Variants in CPSF3 observed in about 807,000 individuals in gnomAD.
CPSF3 encodes the protein cleavage and polyadenylation specificity factor subunit 3.
In CPSF3, 57 loss-of-function variants were observed where a neutral mutation model predicts 84.1. That is an observed-to-expected ratio of 0.68 (90% CI 0.55 to 0.85). The LOEUF is 0.85. Among genes scored for constraint, CPSF3 ranks in the 40% least tolerant of loss-of-function variants. The probability of loss-of-function intolerance (pLI) is 0.00; values close to 1 mark genes in which losing one functional copy is unlikely to be tolerated. For synonymous variants in CPSF3, 275 were observed against 278.1 expected, an observed-to-expected ratio of 0.99 and a Z score of 0.11; for missense variants, 522 against 838.8, an observed-to-expected ratio of 0.62 and a Z score of 4.66.
intron 7 of CPSF3, among the ~76,000 whole-genome samples, chr2:9,438,349 G>A (rs1209980011): frequency 2.0e-5 from 3 of 152,176 alleles, no homozygotes; most frequent in African/African-American, 7.2e-5. Flanking sequence ...ATGAAGAACA[G>A]AGAAGTTAGG....
At chr2:9,424,266 G>C in intron 1 of CPSF3, 1 of 987,926 alleles carries the variant, frequency 1.0e-6, no homozygotes, top group African/African-American at 1.7e-5. Flanking sequence ...TTAACACCAG[G>C]GCTTCACATG....
intron 1 of CPSF3, among the ~76,000 whole-genome samples, chr2:9,426,782 C>T (rs1034991177): frequency 6.6e-6 from 1 of 151,084 alleles, no homozygotes; most frequent in Non-Finnish European, 1.5e-5. Context: ...GGACTGACAC[C>T]TATAGTTCCA....
In CPSF3 at chr2:9,444,029, A is replaced by G. The variant is rs531892266; in HGVS notation, c.1242+368A>G. Among the ~76,000 whole-genome samples the G allele has an allele frequency of 3.3e-5, 5 of 151,906 alleles. No homozygotes were observed. The East Asian group carries it at 5.8e-4, about 18-fold the overall frequency. ...AAGTTACTTAACCTCTCTGTACCTC[A>G]TTTGTAAATAGGAATAATAGCTCAT... is the stretch of plus-strand genomic sequence containing the variant. On this transcript the variant is annotated intron_variant, in intron 10 of 17. Transcript: ENST00000238112.
chr2:9,436,630 G>A (rs1033087896), intron 7 of CPSF3, among the ~76,000 whole-genome samples: 3 of 151,916 alleles, frequency 2.0e-5, no homozygotes, highest in Admixed American at 6.6e-5. Flanking sequence ...AAATTAGCCG[G>A]GCACAGTGAC....
intron 9 of CPSF3, among the ~76,000 whole-genome samples, 159 bp downstream of exon 9, chr2:9,442,135 G>A (rs982501376): frequency 2.0e-5 from 3 of 152,218 alleles, no homozygotes; most frequent in South Asian, 4.1e-4. Flanking sequence ...TGCGTAGGAT[G>A]TAGAATTATG....
At chr2:9,446,970 T>A (rs1178792868) in intron 10 of CPSF3, among the ~76,000 whole-genome samples, 1 of 151,940 alleles carries the variant, frequency 6.6e-6, no homozygotes, top group Non-Finnish European at 1.5e-5. Context: ...TGAGACCTTG[T>A]CTCTACAAGA....
intron 7 of CPSF3, among the ~76,000 whole-genome samples, chr2:9,439,828 A>T (rs1206063067): frequency 1.3e-5 from 2 of 152,090 alleles, no homozygotes; most frequent in African/African-American, 4.8e-5. Context: ...CTCAAAAAAA[A>T]AAAATTAGCC....
At chr2:9,469,467 G>A (rs894408664) in intron 16 of CPSF3, among the ~76,000 whole-genome samples, 6 of 152,240 alleles carry the variant, frequency 3.9e-5, no homozygotes, top group Admixed American at 1.3e-4. Flanking sequence ...GTGTGGCCCT[G>A]GACTGGCCCC....
At chr2:9,426,817 G>C in intron 1 of CPSF3, among the ~76,000 whole-genome samples, 1 of 150,214 alleles carries the variant, frequency 6.7e-6, no homozygotes, top group East Asian at 1.9e-4. Flanking sequence ...TGAGGCGGGA[G>C]GATCACTTGA....
At chr2:9,468,132 TA>T (rs2124873742) in intron 16 of CPSF3, among the ~76,000 whole-genome samples, 1 of 152,396 alleles carries the variant, frequency 6.6e-6, no homozygotes, top group South Asian at 2.1e-4. Flanking sequence ...ATTTACTTGT[TA>T]AATGTGAATT....
At chr2:9,434,466 A>C (rs898647836) in intron 6 of CPSF3, among the ~76,000 whole-genome samples, 1 of 152,144 alleles carries the variant, frequency 6.6e-6, no homozygotes, top group African/African-American at 2.4e-5. Context: ...CAGAGATGCC[A>C]GGCTGCCTCT....
intron 10 of CPSF3, among the ~76,000 whole-genome samples, chr2:9,447,644 G>A (rs1246312822): frequency 5.3e-5 from 8 of 152,078 alleles, no homozygotes; most frequent in East Asian, 1.9e-4. Flanking sequence ...GCATAGTGGC[G>A]TGTACCTATA....
intron 15 of CPSF3, among the ~76,000 whole-genome samples, chr2:9,464,987 A>G (rs1272360180): frequency 6.6e-6 from 1 of 152,126 alleles, no homozygotes; most frequent in Non-Finnish European, 1.5e-5. Flanking sequence ...TCAGCCTCCC[A>G]AAGTGCTGGG....
intron 14 of CPSF3, among the ~76,000 whole-genome samples, chr2:9,458,046 C>T (rs1314625738): frequency 6.6e-6 from 1 of 152,144 alleles, no homozygotes; most frequent in Non-Finnish European, 1.5e-5. Context: ...GATTTGTCAG[C>T]TTTGGTCCCG....
intron 15 of CPSF3, among the ~76,000 whole-genome samples, chr2:9,462,868 C>T (rs1245458713): frequency 1.3e-5 from 2 of 152,148 alleles, no homozygotes; most frequent in African/African-American, 4.8e-5. Flanking sequence ...CCGTGTGTTC[C>T]GTGTATTTAG....
chr2:9,444,156 ATATT>A (rs1490353176), intron 10 of CPSF3, among the ~76,000 whole-genome samples: 1 of 134,860 alleles, frequency 7.4e-6, no homozygotes, highest in African/African-American at 3.1e-5. Flanking sequence ...ATATATATAT[ATATT>A]TTTTTTTTTT....
At chr2:9,440,100 A>C (rs1024236437) in intron 7 of CPSF3, among the ~76,000 whole-genome samples, 2 of 152,206 alleles carry the variant, frequency 1.3e-5, no homozygotes, top group Non-Finnish European at 2.9e-5. Context: ...TGAAATATTA[A>C]TAATACATTT....
intron 12 of CPSF3, among the ~76,000 whole-genome samples, chr2:9,454,431 G>C (rs1681442814): frequency 6.6e-6 from 1 of 151,906 alleles, no homozygotes; most frequent in Admixed American, 6.6e-5. Context: ...AGAAATAGCA[G>C]CAGTGGTGAG....
At chr2:9,430,142 G>C in intron 3 of CPSF3, 122 bp downstream of exon 3, 1 of 607,808 alleles carries the variant, frequency 1.6e-6, no homozygotes, top group African/African-American at 1.9e-5. Flanking sequence ...GCATATTGCA[G>C]ACATCTGAGT....
Sources: allele counts gnomAD v4.1 joint callset (sites outside exome capture counted in the v4.1 genomes callset), GRCh38; gene constraint gnomAD v4.1.1; transcripts MANE v1.5; gene names NCBI Gene and HGNC (gene_info 2026-07-23, HGNC 2026-07-21).